The following ZMAT4 variants were observed in gnomAD, a reference collection of about 807,000 sequenced individuals.
ZMAT4 encodes zinc finger matrin-type protein 4.
A neutral mutation model predicts 28.7 loss-of-function variants in ZMAT4; 17 were observed. That is an observed-to-expected ratio of 0.59 (90% CI 0.41 to 0.89). The LOEUF (loss-of-function observed/expected upper bound fraction) is 0.89. Among genes scored for constraint, ZMAT4 ranks in the 40% least tolerant of loss-of-function variants. ZMAT4 has a pLI of 0.00. For missense variants in ZMAT4, 240 were observed against 283.8 expected (o/e 0.85, Z 1.11); for synonymous variants, 117 against 109.2 (o/e 1.07, Z -0.44).
intron 5 of ZMAT4, among the ~76,000 whole-genome samples, chr8:40,647,479 G>A (rs1040454363): frequency 2.0e-4 from 31 of 152,306 alleles, no homozygotes; most frequent in African/African-American, 7.5e-4. Flanking sequence ...CAAACTGCAA[G>A]GTGGCAGCGA....
intron 5 of ZMAT4, among the ~76,000 whole-genome samples, chr8:40,589,731 C>T (rs4737150): frequency 1.1e-4 from 16 of 139,380 alleles, no homozygotes; most frequent in African/African-American, 4.0e-4. Flanking sequence ...TTCTTCCTTT[C>T]CTTTCTTTCT....
chr8:40,645,934 T>C (rs1176459557), intron 5 of ZMAT4, among the ~76,000 whole-genome samples: 1 of 152,094 alleles, frequency 6.6e-6, no homozygotes, highest in African/African-American at 2.4e-5. Context: ...AATACACTTA[T>C]TTACCACTAG....
intron 5 of ZMAT4, among the ~76,000 whole-genome samples, chr8:40,612,804 GGTTTTT>G (rs1314489600): frequency 3.4e-5 from 3 of 88,052 alleles, no homozygotes; most frequent in Non-Finnish European, 8.4e-5. Flanking sequence ...TCTGTATTTT[GGTTTTT>G]GTTTTTTTTT....
chr8:40,744,462 G>C (rs1812136535), intron 3 of ZMAT4, among the ~76,000 whole-genome samples: 1 of 152,098 alleles, frequency 6.6e-6, no homozygotes, highest in Admixed American at 6.5e-5. Context: ...TCTTAAATAA[G>C]GGCATCTTAA....
chr8:40,572,168 T>C (rs1804120380), intron 6 of ZMAT4, among the ~76,000 whole-genome samples: 1 of 152,192 alleles, frequency 6.6e-6, no homozygotes, highest in African/African-American at 2.4e-5. Context: ...CTCAGCTAAC[T>C]AACTAGTATG....
intron 3 of ZMAT4, among the ~76,000 whole-genome samples, chr8:40,744,502 C>T (rs1278168865): frequency 6.6e-6 from 1 of 152,134 alleles, no homozygotes; most frequent in African/African-American, 2.4e-5. Flanking sequence ...ATAATATTTA[C>T]CCAAGGGCTC....
chr8:40,625,849 T>G (rs535677425), intron 5 of ZMAT4, among the ~76,000 whole-genome samples: 1 of 151,840 alleles, frequency 6.6e-6, no homozygotes, highest in African/African-American at 2.4e-5. Context: ...GGTGGAATCA[T>G]GCCTGTAATC....
At chr8:40,796,966 G>A (rs983177701) in intron 2 of ZMAT4, among the ~76,000 whole-genome samples, 7 of 152,148 alleles carry the variant, frequency 4.6e-5, no homozygotes, top group African/African-American at 1.4e-4. Flanking sequence ...CAGTTCGCCT[G>A]ATCTTCACCT....
chr8:40,592,671 T>C (rs1033801277), intron 5 of ZMAT4, among the ~76,000 whole-genome samples: 1 of 152,204 alleles, frequency 6.6e-6, no homozygotes, highest in Non-Finnish European at 1.5e-5. Context: ...ATTGGATGCC[T>C]GACCCAAGAA....
chr8:40,551,861 GT>G (rs961631240), intron 6 of ZMAT4, among the ~76,000 whole-genome samples: 1 of 152,152 alleles, frequency 6.6e-6, no homozygotes, highest in Non-Finnish European at 1.5e-5. Context: ...TCAAATCTCA[GT>G]TTTTCTCCTT....
At chr8:40,783,118 G>A (rs1408945547) in intron 2 of ZMAT4, among the ~76,000 whole-genome samples, 2 of 152,178 alleles carry the variant, frequency 1.3e-5, no homozygotes. Context: ...GACTGTAGTA[G>A]CATTATTCAT....
chr8:40,615,827 T>C (rs1805982271), intron 5 of ZMAT4, among the ~76,000 whole-genome samples: 1 of 152,154 alleles, frequency 6.6e-6, no homozygotes, highest in South Asian at 2.1e-4. Flanking sequence ...TAGCTATTCG[T>C]CTAATCTTTT....
At chr8:40,751,859 T>C (rs1413279184) in intron 3 of ZMAT4, among the ~76,000 whole-genome samples, 2 of 152,246 alleles carry the variant, frequency 1.3e-5, no homozygotes, top group Non-Finnish European at 2.9e-5. Flanking sequence ...AGAAAAAGAA[T>C]AGGGCAGTAT....
At chr8:40,582,344 A>G (rs1804494048) in intron 5 of ZMAT4, among the ~76,000 whole-genome samples, 1 of 152,192 alleles carries the variant, frequency 6.6e-6, no homozygotes. Context: ...CAAAAAAAAT[A>G]TTTTTAAAAG....
At chr8:40,750,362 A>G (rs763116767) in intron 3 of ZMAT4, among the ~76,000 whole-genome samples, 15 of 152,170 alleles carry the variant, frequency 9.9e-5, no homozygotes, top group Non-Finnish European at 1.9e-4. Flanking sequence ...GAATGGTCAC[A>G]GGGGGTCACC....
At chr8:40,630,231 T>C (rs1806525613) in intron 5 of ZMAT4, among the ~76,000 whole-genome samples, 1 of 152,228 alleles carries the variant, frequency 6.6e-6, no homozygotes, top group African/African-American at 2.4e-5. Flanking sequence ...GTATAAGAAA[T>C]CCACAGTACT....
chr8:40,815,529 C>T (rs1815497633), intron 2 of ZMAT4, among the ~76,000 whole-genome samples: 1 of 152,180 alleles, frequency 6.6e-6, no homozygotes, highest in Admixed American at 6.5e-5. Context: ...TGGGATACCA[C>T]AGGCAGTGCC....
intron 5 of ZMAT4, among the ~76,000 whole-genome samples, chr8:40,671,219 T>G (rs1808652358): frequency 6.6e-6 from 1 of 152,330 alleles, no homozygotes; most frequent in East Asian, 1.9e-4. Flanking sequence ...TTTTATATGT[T>G]GGCTTTTTGA....
chr8:40,626,104 C>G (rs1806367851), intron 5 of ZMAT4, among the ~76,000 whole-genome samples: 1 of 75,146 alleles, frequency 1.3e-5, no homozygotes, highest in Non-Finnish European at 2.6e-5. Flanking sequence ...GAGCAAAACT[C>G]TGCCTCAGAA....
Sources: allele counts gnomAD v4.1 joint callset (sites outside exome capture counted in the v4.1 genomes callset), GRCh38; gene constraint gnomAD v4.1.1; transcripts MANE v1.5; gene names NCBI Gene and HGNC (gene_info 2026-07-23, HGNC 2026-07-21).